Variants in ARL13B observed in about 807,000 individuals in gnomAD.
The protein encoded by ARL13B is ADP-ribosylation factor-like protein 13B.
ARL13B carries 36 observed loss-of-function variants against 56.1 expected under a neutral mutation model. The observed-to-expected ratio is 0.64, with a 90% CI of 0.49 to 0.85. The LOEUF (loss-of-function observed/expected upper bound fraction) is 0.85. Among genes scored for constraint, ARL13B ranks in the 40% least tolerant of loss-of-function variants. The pLI is 0.00. For synonymous variants in ARL13B, 178 were observed against 171.1 expected (o/e 1.04, Z -0.32); for missense variants, 519 against 507.1 (o/e 1.02, Z -0.23).
At chr3:93,993,423 G>C (rs2075911980) in intron 1 of ARL13B, among the ~76,000 whole-genome samples, 1 of 152,004 alleles carries the variant, frequency 6.6e-6, no homozygotes, top group South Asian at 2.1e-4. Context: ...CACCACACTT[G>C]GCCTGTTTTA....
chr3:94,052,144 A>G (rs1205471912), intron 9 of ARL13B, among the ~76,000 whole-genome samples: 1 of 152,132 alleles, frequency 6.6e-6, no homozygotes, highest in Non-Finnish European at 1.5e-5. Flanking sequence ...TTAGAAAACT[A>G]ATGTTACTGT....
At chr3:93,993,862 T>C (rs1284317646) in intron 1 of ARL13B, among the ~76,000 whole-genome samples, 1 of 152,212 alleles carries the variant, frequency 6.6e-6, no homozygotes, top group Non-Finnish European at 1.5e-5. Flanking sequence ...CTACCTCTTC[T>C]CCATAAATCT....
rs527577751 is a variant in ARL13B, at chr3:94,048,897, T to C, written c.1025-509T>C. On this transcript the variant is annotated intron_variant, in intron 7 of 9. Transcript: ENST00000394222. ...CAGGTGTGAGCTGCCATGCATAGCC[T>C]TGTAGGGGTTATTTTAAATAAGTAA... 4.8e-4 allele frequency among the ~76,000 whole-genome samples: 73 copies of C among 152,228 alleles called. 1 individual carries two copies. Among genetic ancestry groups the C allele is most frequent in the Non-Finnish European group, 8.1e-4 (55 of 68,004 alleles).
chr3:94,016,786 A>G (rs1257166125), intron 3 of ARL13B, among the ~76,000 whole-genome samples: 2 of 151,732 alleles, frequency 1.3e-5, no homozygotes, highest in Non-Finnish European at 2.9e-5. Flanking sequence ...AGCTGGGATT[A>G]CAGGTGCCTG....
At chr3:93,986,390 T>A (rs1264017561) in intron 1 of ARL13B, among the ~76,000 whole-genome samples, 1 of 152,210 alleles carries the variant, frequency 6.6e-6, no homozygotes, top group Non-Finnish European at 1.5e-5. Flanking sequence ...AATAGTGTAC[T>A]GCAATAAAAT....
Position 94,000,629 on chromosome 3 carries a change from G to T in ARL13B, c.131-3030G>T, listed in dbSNP as rs144371357. Among the ~76,000 whole-genome samples the T allele has an allele frequency of 5.0e-3, 758 of 152,044 alleles. 6 individuals are homozygous for T. The highest frequency in any genetic ancestry group is 0.017 in the African/African-American group (724 of 41,498). On this transcript the variant is annotated intron_variant, in intron 2 of 9. Coordinates refer to ENST00000394222, the MANE Select transcript of ARL13B (RefSeq NM_001174150.2). ...TGTAGTTATTTGTGTATGTGTGTGTGTGTGTGTGTATATGTATATATATAT... is the reference window on the plus strand; with the variant it reads ...TGTAGTTATTTGTGTATGTGTGTGTTTGTGTGTGTATATGTATATATATAT...
At chr3:94,011,984 T>A (rs762190939) in intron 3 of ARL13B, among the ~76,000 whole-genome samples, 11 of 152,200 alleles carry the variant, frequency 7.2e-5, no homozygotes, top group Non-Finnish European at 2.9e-5. Context: ...GTTATTTTAC[T>A]GCTCTTATTT....
At chr3:94,011,877 C>G (rs2076230187) in intron 3 of ARL13B, among the ~76,000 whole-genome samples, 1 of 152,112 alleles carries the variant, frequency 6.6e-6, no homozygotes, top group African/African-American at 2.4e-5. Flanking sequence ...ATGTCACATT[C>G]TTTCCTCTGC....
chr3:94,038,602 C>CA (rs1324956625), intron 5 of ARL13B, among the ~76,000 whole-genome samples: 2 of 144,552 alleles, frequency 1.4e-5, no homozygotes, highest in Non-Finnish European at 3.0e-5. Context: ...CGGCGCACTG[C>CA]AACCTCCGTC....
At chr3:93,987,674 G>A (rs530117898) in intron 1 of ARL13B, among the ~76,000 whole-genome samples, 3 of 151,898 alleles carry the variant, frequency 2.0e-5, no homozygotes, top group African/African-American at 4.8e-5. Flanking sequence ...TTTCTGAAAC[G>A]GTCTCTCTCT....
chr3:94,003,562 C>A, intron 2 of ARL13B, 97 bp from the exon 3 acceptor site: 1 of 1,360,446 alleles, frequency 7.4e-7, no homozygotes, highest in South Asian at 1.2e-5. Context: ...TCAGTGAATG[C>A]TAAATATTTC....
rs1208670211 is a variant in ARL13B at position 94,036,605 on chromosome 3, A to G, written c.540A>G (p.Lys180=). The change falls in exon 5 of 10, where the codon AAA becomes AAG. Residue 180 remains lysine, a synonymous_variant. Coordinates refer to ENST00000394222, the MANE Select transcript of ARL13B (RefSeq NM_001174150.2). ...GAAAGAAAATTGACAAGTCCATTAA[A>G]AAAGGCCTTTATTGGCTGCTACATG... The part of the protein sequence containing the change: ...GYGKKIDKSI[K]KGLYWLLHVI... 1 of 1,614,138 alleles carries G rather than the reference A, an allele frequency of 6.2e-7. No individual in the cohort carries two copies. The highest frequency in any genetic ancestry group is 2.2e-5 in the East Asian group (1 of 44,864).
At position 94,049,513 on chromosome 3, in the gene ARL13B, C is replaced by G. The variant is rs770186628; in HGVS notation, c.1132C>G (p.Pro378Ala). Reference sequence around the variant, plus strand: ...TGAGAGTCCAACGCCACCCCCACCCCCTCCTCCTGGTGAGTAAATTGATAC... The same window carrying G: ...TGAGAGTCCAACGCCACCCCCACCCGCTCCTCCTGGTGAGTAAATTGATAC... ...APESPTPPPP[P>A]PPVGWGTPKV... Residue 378 changes from proline (P) to alanine (A), a missense_variant, in exon 8 of 10, where the codon CCT becomes GCT. Transcript: ENST00000394222. 1.2e-6 allele frequency: 2 copies of G among 1,600,518 alleles called. No homozygotes were observed. The highest frequency in any genetic ancestry group is 8.6e-7 in the Non-Finnish European group (1 of 1,169,524).
At chr3:93,989,186 A>C (rs1710620319) in intron 1 of ARL13B, among the ~76,000 whole-genome samples, 1 of 152,206 alleles carries the variant, frequency 6.6e-6, no homozygotes. Flanking sequence ...AATATGAACT[A>C]TTTTGATGTG....
intron 3 of ARL13B, among the ~76,000 whole-genome samples, chr3:94,019,008 C>T (rs527699795): frequency 7.7e-4 from 117 of 152,256 alleles, no homozygotes; most frequent in African/African-American, 2.8e-3. Context: ...TCAGGCGATC[C>T]GCCCTCTTCG....
At chr3:93,990,597 T>C (rs1225873354) in intron 1 of ARL13B, among the ~76,000 whole-genome samples, 3 of 152,182 alleles carry the variant, frequency 2.0e-5, no homozygotes, top group Non-Finnish European at 2.9e-5. Flanking sequence ...TTAAAAAGTT[T>C]AGGATTTTGG....
chr3:94,029,383 T>G (rs1181038304), intron 3 of ARL13B, among the ~76,000 whole-genome samples: 1 of 142,336 alleles, frequency 7.0e-6, no homozygotes, highest in African/African-American at 2.6e-5. Flanking sequence ...GTCTTGCTCT[T>G]GTAGCCCAGG....
In ARL13B at chr3:93,995,857, A is replaced by G; in HGVS notation, c.60-17A>G. 2 of 1,596,198 alleles carry G rather than the reference A, an allele frequency of 1.3e-6. No homozygotes were observed. Among genetic ancestry groups the G allele is most frequent in the Non-Finnish European group, 1.7e-6 (2 of 1,169,164 alleles). ...AATTAACAAAGAAAGTGATTTTTAA[A>G]TTTCTATTATTTTAAGAAAGGTGAC... On this transcript the variant is annotated splice_polypyrimidine_tract_variant and intron_variant, in intron 1 of 9. Coordinates refer to ENST00000394222, the MANE Select transcript of ARL13B (RefSeq NM_001174150.2).
intron 3 of ARL13B, among the ~76,000 whole-genome samples, chr3:94,006,649 C>CA (rs2076140548): frequency 6.6e-6 from 1 of 152,172 alleles, no homozygotes; most frequent in Non-Finnish European, 1.5e-5. Context: ...GATTACAAAA[C>CA]TGGTACATGC....
Sources: gnomAD v4.1 joint callset for allele counts (sites outside exome capture counted in the v4.1 genomes callset) on GRCh38, gnomAD v4.1.1 for gene constraint, MANE v1.5 for transcripts, NCBI Gene and HGNC (gene_info 2026-07-23, HGNC 2026-07-21) for gene names.